Variants in RTN4RL1 observed in about 807,000 individuals in gnomAD.
The protein encoded by RTN4RL1 is reticulon-4 receptor-like 1.
Under a neutral mutation model 25.6 loss-of-function variants are expected in RTN4RL1, and 7 were observed. The observed-to-expected ratio is 0.27, with a 90% CI of 0.16 to 0.51. The LOEUF is 0.51. Among genes scored for constraint, RTN4RL1 ranks in the 20% least tolerant of loss-of-function variants. RTN4RL1 has a pLI of 0.97. For synonymous variants in RTN4RL1, 297 were observed against 288.2 expected, an observed-to-expected ratio of 1.03 and a Z score of -0.31; for missense variants, 500 against 615.6, an observed-to-expected ratio of 0.81 and a Z score of 1.99.
rs913493179 is a variant in RTN4RL1, at chr17:1,936,000, T to C, written c.*496A>G. 7.1e-6 allele frequency: 7 copies of C among 986,886 alleles called. No individual in the cohort carries two copies. Among genetic ancestry groups the C allele is most frequent in the Non-Finnish European group, 8.4e-6 (7 of 831,252 alleles). 61.1% of individuals were successfully genotyped at this position (986,886 alleles called of 1,614,324 possible). ...AGGATAGAATTCAGGGCAGGGTGAC[T>C]GGCCTCAGGCAAGAGCCAAGATGCC... On this transcript the variant is annotated 3_prime_UTR_variant, in exon 2 of 2. Coordinates refer to ENST00000331238, the MANE Select transcript of RTN4RL1 (RefSeq NM_178568.4).
intron 1 of RTN4RL1, among the ~76,000 whole-genome samples, chr17:2,018,396 C>CG (rs2067154595): frequency 6.6e-6 from 1 of 152,016 alleles, no homozygotes; most frequent in African/African-American, 2.4e-5. Flanking sequence ...TTCCAGACAC[C>CG]GGGGGAGAGG....
chr17:1,982,827 G>C (rs981042934), intron 1 of RTN4RL1, among the ~76,000 whole-genome samples: 2 of 152,204 alleles, frequency 1.3e-5, no homozygotes, highest in Non-Finnish European at 2.9e-5. Flanking sequence ...GAGGAATGGG[G>C]TGGCTGAGCA....
chr17:1,958,677 C>G (rs143118564), intron 1 of RTN4RL1, among the ~76,000 whole-genome samples: 17 of 152,314 alleles, frequency 1.1e-4, no homozygotes, highest in African/African-American at 4.1e-4. Context: ...ACAGTTCCGG[C>G]AGGATCGTGC....
Position 2,024,807 on chromosome 17 carries a change from T to C in RTN4RL1, c.13+46A>G, listed in dbSNP as rs1451245418. The C allele has an allele frequency of 3.9e-6, 6 of 1,548,846 alleles. No individual in the cohort carries two copies. The Admixed American group carries it at 9.7e-5, about 25-fold the overall frequency. On this transcript the variant is annotated intron_variant, in intron 1 of 1. Transcript: ENST00000331238. ...GGCGGCGCCCGGGCTCGCGGCTCTTTCCGGAGCGCATTCAACTTCAACTTG... is the reference window on the plus strand; with the variant it reads ...GGCGGCGCCCGGGCTCGCGGCTCTTCCCGGAGCGCATTCAACTTCAACTTG...
At chr17:1,978,576 G>A (rs2151315586) in intron 1 of RTN4RL1, among the ~76,000 whole-genome samples, 1 of 152,004 alleles carries the variant, frequency 6.6e-6, no homozygotes, top group East Asian at 1.9e-4. Flanking sequence ...GATCCCAGCC[G>A]GTGACTGTGT....
chr17:1,958,885 C>T (rs1915843062), intron 1 of RTN4RL1, among the ~76,000 whole-genome samples: 1 of 152,224 alleles, frequency 6.6e-6, no homozygotes, highest in Non-Finnish European at 1.5e-5. Context: ...AAATTTCAAA[C>T]TGCATTAGTC....
chr17:2,015,449 C>A (rs1330731830), intron 1 of RTN4RL1, among the ~76,000 whole-genome samples: 2 of 152,110 alleles, frequency 1.3e-5, no homozygotes, highest in Non-Finnish European at 2.9e-5. Flanking sequence ...GTGCTGAAAG[C>A]CCCCAGAGCC....
At chr17:1,992,314 G>A (rs540328119) in intron 1 of RTN4RL1, among the ~76,000 whole-genome samples, 13 of 148,152 alleles carry the variant, frequency 8.8e-5, no homozygotes, top group South Asian at 6.4e-4. Flanking sequence ...AGCCAAGATC[G>A]CGCCACTGCA....
At chr17:1,978,102 C>T (rs903199830) in intron 1 of RTN4RL1, among the ~76,000 whole-genome samples, 2 of 152,238 alleles carry the variant, frequency 1.3e-5, no homozygotes, top group African/African-American at 2.4e-5. Flanking sequence ...CCTGCACTCT[C>T]GGGGAGGGAG....
intron 1 of RTN4RL1, among the ~76,000 whole-genome samples, chr17:1,978,791 T>G (rs573528010): frequency 1.3e-5 from 2 of 152,096 alleles, no homozygotes; most frequent in African/African-American, 4.8e-5. Context: ...AGTCCCAGAG[T>G]TGCTGCAGAG....
intron 1 of RTN4RL1, among the ~76,000 whole-genome samples, chr17:1,982,697 G>C (rs965924026): frequency 6.6e-6 from 1 of 152,210 alleles, no homozygotes; most frequent in Non-Finnish European, 1.5e-5. Context: ...TCGACGCCGT[G>C]CAGGAAGCCC....
At chr17:1,991,575 C>T (rs1567518515) in intron 1 of RTN4RL1, among the ~76,000 whole-genome samples, 1 of 151,780 alleles carries the variant, frequency 6.6e-6, no homozygotes, top group Non-Finnish European at 1.5e-5. Context: ...CTACTGTTAA[C>T]AGTTTCTTTT....
rs559786042 is a variant in RTN4RL1, at chr17:1,946,584, G to A, written c.14-8776C>T. Among the ~76,000 whole-genome samples, 103 of 151,548 alleles carry A rather than the reference G, an allele frequency of 6.8e-4. 1 individual carries two copies. The highest frequency in any genetic ancestry group is 6.8e-3 in the Middle Eastern group (2 of 294). ...TCTGTGTGAATGTGTGTGTGTGCACGGGGTCTGTGTGCATCTATGTTGAAT... is the reference window on the plus strand; with the variant it reads ...TCTGTGTGAATGTGTGTGTGTGCACAGGGTCTGTGTGCATCTATGTTGAAT... On this transcript the variant is annotated intron_variant, in intron 1 of 1. Transcript: ENST00000331238.
intron 1 of RTN4RL1, among the ~76,000 whole-genome samples, chr17:1,949,575 G>C (rs184563803): frequency 1.3e-5 from 2 of 152,134 alleles, no homozygotes; most frequent in East Asian, 3.9e-4. Flanking sequence ...ATTCAGAACC[G>C]GCATCTAGAG....
chr17:1,957,342 T>G (rs1915813237), intron 1 of RTN4RL1, among the ~76,000 whole-genome samples: 1 of 152,100 alleles, frequency 6.6e-6, no homozygotes, highest in Non-Finnish European at 1.5e-5. Context: ...CCGTGAGCTA[T>G]GTAAAACAGA....
At chr17:1,996,726 C>T (rs78621507) in intron 1 of RTN4RL1, among the ~76,000 whole-genome samples, 4,858 of 152,256 alleles carry the variant, frequency 0.032, 96 homozygotes, top group Non-Finnish European at 0.052. Context: ...CTCAATCTGG[C>T]GGAGATATCA....
chr17:1,977,224 G>A (rs911875668), intron 1 of RTN4RL1, among the ~76,000 whole-genome samples: 2 of 152,206 alleles, frequency 1.3e-5, no homozygotes, highest in Non-Finnish European at 2.9e-5. Context: ...ACAGACGGGC[G>A]AGACGCTGGG....
At chr17:2,004,703 A>G (rs1251188371) in intron 1 of RTN4RL1, among the ~76,000 whole-genome samples, 2 of 152,240 alleles carry the variant, frequency 1.3e-5, no homozygotes, top group Non-Finnish European at 2.9e-5. Flanking sequence ...TTCAGGACAG[A>G]GCAAGGATAG....
rs145735357 is a variant in RTN4RL1 at position 1,936,137 on chromosome 17, G to C, written c.*359C>G. On this transcript the variant is annotated 3_prime_UTR_variant, in exon 2 of 2. Transcript: ENST00000331238. ...AACCACGGGGCCCTCCAGACCTCTC[G>C]GAACGATCGGGATTCCACAGAGCCC... The C allele has an allele frequency of 2.8e-6, 3 of 1,068,984 alleles. No individual in the cohort carries two copies. The African/African-American group carries it at 5.0e-5, about 18-fold the overall frequency. The allele number at this position is 1,068,984 out of a possible 1,614,324, so 66.2% of individuals were successfully genotyped here.
Sources: gnomAD v4.1 joint callset for allele counts (sites outside exome capture counted in the v4.1 genomes callset) on GRCh38, gnomAD v4.1.1 for gene constraint, MANE v1.5 for transcripts, NCBI Gene and HGNC (gene_info 2026-07-23, HGNC 2026-07-21) for gene names.